DEAF1: variants seen among roughly 807,000 people sequenced by gnomAD.
The protein encoded by DEAF1 is deformed epidermal autoregulatory factor 1 homolog.
In DEAF1, 53 loss-of-function variants were observed where a neutral mutation model predicts 58.9. That is an observed-to-expected ratio of 0.90 (90% CI 0.72 to 1.13). DEAF1 has a LOEUF of 1.13. Ranked by LOEUF, DEAF1 falls within the 50% of genes most tolerant of loss-of-function variation. The pLI is 0.00. For missense variants in DEAF1, 685 were observed against 791.4 expected, an observed-to-expected ratio of 0.87 and a Z score of 1.61; for synonymous variants, 385 against 340.4, an observed-to-expected ratio of 1.13 and a Z score of -1.44.
At chr11:659,490 A>G (rs7933080) in intron 10 of DEAF1, among the ~76,000 whole-genome samples, 36,916 of 152,134 alleles carry the variant, frequency 0.24, 7,374 homozygotes, top group African/African-American at 0.56. Flanking sequence ...TGTATCTTAC[A>G]AGGAGTGCTT....
upstream of DEAF1, among the ~76,000 whole-genome samples, chr11:698,196 G>T (rs1003815444): frequency 6.6e-6 from 1 of 152,110 alleles, no homozygotes; most frequent in Non-Finnish European, 1.5e-5. Context: ...TCCGCTCCAG[G>T]TCAGCGTGGA....
chr11:693,961 G>A (rs886313040), intron 1 of DEAF1, among the ~76,000 whole-genome samples: 2 of 151,954 alleles, frequency 1.3e-5, no homozygotes, highest in East Asian at 1.9e-4. Context: ...AGGTGGCTCC[G>A]CAGCCCCCCT....
At chr11:700,380 A>T in intron 1 of DEAF1, 1 of 811,068 alleles carries the variant, frequency 1.2e-6, no homozygotes, top group Non-Finnish European at 2.0e-6. Flanking sequence ...CACAAAAAGT[A>T]GCCGGGCGTG....
rs1371704199 is a variant in DEAF1, at chr11:677,480, G to A, written c.1255+1214C>T. On this transcript the variant is annotated intron_variant, in intron 9 of 11. Transcript: ENST00000382409. ...CAGCCCTGAGGTAAGCTTTAAAGATGGAAAGAGTTTAGATAGGCAAAAGAG... is the reference window on the plus strand; with the variant it reads ...CAGCCCTGAGGTAAGCTTTAAAGATAGAAAGAGTTTAGATAGGCAAAAGAG... Among the ~76,000 whole-genome samples, 9 of 105,426 alleles carry A rather than the reference G, an allele frequency of 8.5e-5. 3 individuals carry two copies. Among genetic ancestry groups the A allele is most frequent in the African/African-American group, 2.3e-4 (8 of 34,808 alleles). 69.2% of individuals were successfully genotyped at this position (105,426 alleles called of 152,430 possible).
intron 10 of DEAF1, 67 bp downstream of exon 10, chr11:674,469 C>T: frequency 1.2e-6 from 2 of 1,610,726 alleles, no homozygotes; most frequent in Non-Finnish European, 8.5e-7. Flanking sequence ...CGCAGCTGGG[C>T]ACAGGCACCA....
In DEAF1 at chr11:683,593, GT is replaced by G. The variant is rs932087877; in HGVS notation, c.870+1304del. Among the ~76,000 whole-genome samples, 50 of 152,260 alleles carry G rather than the reference GT, an allele frequency of 3.3e-4. 1 individual carries two copies. Among genetic ancestry groups the G allele is most frequent in the African/African-American group, 1.2e-3 (50 of 41,550 alleles). On this transcript the variant is annotated intron_variant, in intron 6 of 11. Transcript: ENST00000382409. ...GTTTTGGCTTTTTTGTTTCAAAACT[GT>G]TTTGGCTTTTTTATTTCCTTTACCT... is the stretch of plus-strand genomic sequence containing the variant.
chr11:695,110 G>A lies in DEAF1; in HGVS notation c.-63C>T, dbSNP rs1861063514. 1 of 1,369,476 alleles carries A rather than the reference G, an allele frequency of 7.3e-7. No individual in the cohort carries two copies. The highest frequency in any genetic ancestry group is 9.5e-7 in the Non-Finnish European group (1 of 1,056,970). 84.8% of individuals were successfully genotyped at this position (1,369,476 alleles called of 1,614,324 possible). On this transcript the variant is annotated 5_prime_UTR_variant, in exon 1 of 12. Transcript: ENST00000382409. The stretch of plus-strand genomic sequence containing the variant: ...GACCGCCCGAAGCGCCGGTCGCGGA[G>A]CCCGAAGCGGGGCCCGAAGAGGACG...
intron 5 of DEAF1, 29 bp downstream of exon 5, chr11:686,829 C>G (rs1369456887): frequency 6.2e-7 from 1 of 1,613,736 alleles, no homozygotes; most frequent in Non-Finnish European, 8.5e-7. Context: ...GAACTGTGTG[C>G]TGAGCACAGG....
In DEAF1 at chr11:700,763, C is replaced by T. The variant is rs774539919; in HGVS notation, c.-438+5809G>A. ...TGTCCTAAGAGTTGCTATCTGTTTCCACAGCCTTTCAAGAGTAATTATTTT... is the reference window on the plus strand; with the variant it reads ...TGTCCTAAGAGTTGCTATCTGTTTCTACAGCCTTTCAAGAGTAATTATTTT... On this transcript the variant is annotated intron_variant, in intron 1 of 11. Coordinates refer to the DEAF1 transcript ENST00000683307. The T allele has an allele frequency of 2.3e-5, 34 of 1,448,752 alleles. 1 individual carries two copies. The highest frequency in any genetic ancestry group is 1.7e-4 in the Middle Eastern group (1 of 5,746). The allele number at this position is 1,448,752 out of a possible 1,614,324, so 89.7% of individuals were successfully genotyped here. A position where few individuals can be genotyped will look rare whatever the true frequency, so the allele number is the denominator to read the frequency against.
intron 10 of DEAF1, among the ~76,000 whole-genome samples, chr11:665,459 C>T (rs918363654): frequency 1.3e-5 from 2 of 152,236 alleles, no homozygotes; most frequent in African/African-American, 4.8e-5. Context: ...TAACTCCTGA[C>T]ATTTTCAGAT....
chr11:695,950 G>A, upstream of DEAF1: 1 of 927,562 alleles, frequency 1.1e-6, no homozygotes, highest in Non-Finnish European at 1.4e-6. Context: ...ACGGGGCCGT[G>A]CCACCGTCTC....
intron 11 of DEAF1, among the ~76,000 whole-genome samples, chr11:653,492 C>T (rs913802055): frequency 7.3e-6 from 1 of 136,214 alleles, no homozygotes; most frequent in Admixed American, 7.6e-5. Flanking sequence ...TGGACAGTCT[C>T]TCTCGCGTGG....
At chr11:667,815 A>G (rs1037234029) in intron 10 of DEAF1, among the ~76,000 whole-genome samples, 1 of 149,602 alleles carries the variant, frequency 6.7e-6, no homozygotes, top group African/African-American at 2.5e-5. Context: ...CTCAAAAAAT[A>G]ATAAATAAAT....
At chr11:681,816 T>C (rs140709423) in intron 6 of DEAF1, among the ~76,000 whole-genome samples, 4 of 152,338 alleles carry the variant, frequency 2.6e-5, no homozygotes, top group African/African-American at 9.6e-5. Flanking sequence ...CCTTCAGTCC[T>C]CTGAACATAC....
intron 10 of DEAF1, among the ~76,000 whole-genome samples, chr11:667,295 G>T (rs557771164): frequency 6.7e-6 from 1 of 150,098 alleles, no homozygotes; most frequent in Non-Finnish European, 1.5e-5. Context: ...TCTTAGCCTC[G>T]GTGACAGACA....
At chr11:677,121 C>G (rs1811734685) in intron 9 of DEAF1, among the ~76,000 whole-genome samples, 1 of 149,448 alleles carries the variant, frequency 6.7e-6, no homozygotes, top group Admixed American at 6.7e-5. Flanking sequence ...AACACCCACC[C>G]CACACTTTTT....
rs187623972 is a variant in DEAF1, at chr11:688,365, G to A, written c.483C>T (p.Thr161=). The part of the protein sequence containing the change: ...VHTDGSIVET[T]GLKGPAAPLT... ...GGGGAGCTGCCGGGCCTTTCAGCCC[G>A]GTGGTCTCCACGATGCTCCCATCTG... The change falls in exon 3 of 12, where the codon ACC becomes ACT. Residue 161 remains threonine, a synonymous_variant. Coordinates refer to ENST00000382409, the MANE Select transcript of DEAF1 (RefSeq NM_021008.4). This position sits in a 1 kb window ranked among gnomAD's most constrained non-coding sequence, Gnocchi z 4.3. 2.7e-4 allele frequency: 428 copies of A among 1,613,820 alleles called. 3 individuals are homozygous for A. The East Asian group carries it at 6.7e-3, about 25-fold the overall frequency.
chr11:678,660 T>C, intron 9 of DEAF1, 34 bp downstream of exon 9: 2 of 1,613,384 alleles, frequency 1.2e-6, no homozygotes, highest in Non-Finnish European at 1.7e-6. Flanking sequence ...CTGAGGACAA[T>C]AACCTGTACA....
upstream of DEAF1, chr11:698,860 C>G (rs1403275776): frequency 6.2e-7 from 1 of 1,614,192 alleles, no homozygotes. Context: ...CGGCCCCTTT[C>G]TCTTTCAGGG....
Sources: allele counts gnomAD v4.1 joint callset (sites outside exome capture counted in the v4.1 genomes callset), GRCh38; gene constraint gnomAD v4.1.1; non-coding constraint Gnocchi (gnomAD v3.1); transcripts MANE v1.5; gene names NCBI Gene and HGNC (gene_info 2026-07-23, HGNC 2026-07-21).